The following RPS6KA2 variants were observed in gnomAD, a reference collection of about 807,000 sequenced individuals.
The protein encoded by RPS6KA2 is ribosomal protein S6 kinase alpha-2.
A neutral mutation model predicts 91.8 loss-of-function variants in RPS6KA2; 42 were observed. The observed-to-expected ratio is 0.46, with a 90% CI of 0.36 to 0.59. RPS6KA2 has a LOEUF of 0.59. Among genes scored for constraint, RPS6KA2 ranks in the 20% least tolerant of loss-of-function variants. RPS6KA2 has a pLI of 0.00. For missense variants in RPS6KA2, 798 were observed against 978.5 expected (o/e 0.82, Z 2.46); for synonymous variants, 414 against 393.6 (o/e 1.05, Z -0.61).
At chr6:166,676,033 A>T (rs1279354712) in intron 2 of RPS6KA2, among the ~76,000 whole-genome samples, 1 of 152,044 alleles carries the variant, frequency 6.6e-6, no homozygotes, top group African/African-American at 2.4e-5. Flanking sequence ...AAGTCCTGGG[A>T]GGCCGGGTGC....
intron 2 of RPS6KA2, among the ~76,000 whole-genome samples, chr6:166,776,965 C>T (rs531194444): frequency 3.3e-5 from 5 of 152,272 alleles, no homozygotes; most frequent in Middle Eastern, 3.4e-3. Context: ...TGTGCTTCTC[C>T]GCCATTTGTA....
At chr6:166,792,337 G>A (rs1282362802) in intron 2 of RPS6KA2, among the ~76,000 whole-genome samples, 3 of 151,898 alleles carry the variant, frequency 2.0e-5, no homozygotes, top group Non-Finnish European at 2.9e-5. Context: ...ACCAATAACA[G>A]GCTCTGAAAT....
intron 1 of RPS6KA2, among the ~76,000 whole-genome samples, chr6:166,614,028 G>A (rs1431643969): frequency 6.6e-6 from 1 of 152,186 alleles, no homozygotes; most frequent in African/African-American, 2.4e-5. Context: ...AGCCCAGTCA[G>A]CTCAGGAACC....
At chr6:166,657,766 G>A (rs1363019400) in intron 2 of RPS6KA2, among the ~76,000 whole-genome samples, 1 of 152,232 alleles carries the variant, frequency 6.6e-6, no homozygotes, top group African/African-American at 2.4e-5. Context: ...GCTCACTTGA[G>A]AGCAGGGCGA....
chr6:166,764,775 G>A (rs1406565411), intron 2 of RPS6KA2, among the ~76,000 whole-genome samples: 3 of 152,218 alleles, frequency 2.0e-5, no homozygotes, highest in Admixed American at 6.5e-5. Flanking sequence ...CGGCCACCGC[G>A]GTGACACCTA....
In RPS6KA2 at chr6:166,419,895, T is replaced by C. The variant is rs1377077535; in HGVS notation, c.1807A>G (p.Thr603Ala). 8.7e-6 allele frequency: 14 copies of C among 1,613,844 alleles called. No individual in the cohort carries two copies. Among genetic ancestry groups the C allele is most frequent in the Non-Finnish European group, 1.1e-5 (13 of 1,179,816 alleles). ...GTGACTGCTTACCCTGCCAGCATGG[T>C]GTACAACAGGATCCCCAAACTCCAG... Reference protein sequence around the residue: ...DIWSLGILLYTMLAGFTPFAN... With the variant: ...DIWSLGILLYAMLAGFTPFAN... The change falls in exon 18 of 21, where the codon ACC (threonine) becomes GCC (alanine). Residue 603 changes from threonine to alanine, a missense_variant. Transcript: ENST00000265678. This position sits in a 1 kb window ranked among gnomAD's most constrained non-coding sequence, Gnocchi z 5.6.
rs181584518 is a variant in RPS6KA2 at position 166,575,287 on chromosome 6, T to C, written c.100-36503A>G. 1.9e-3 allele frequency among the ~76,000 whole-genome samples: 291 copies of C among 152,338 alleles called. 5 individuals are homozygous for C. Among genetic ancestry groups the C allele is most frequent in the Admixed American group, 0.018 (272 of 15,302 alleles). On this transcript the variant is annotated intron_variant, in intron 1 of 20. Coordinates refer to ENST00000265678, the MANE Select transcript of RPS6KA2 (RefSeq NM_021135.6). ...GTCAGAAGCATAACACGAGGCTATG[T>C]GTGATCCGGGCTCAGGGAGTACGGG... is the stretch of plus-strand genomic sequence containing the variant.
rs906815377 is a variant in RPS6KA2 at position 166,727,319 on chromosome 6, A to C, written c.123+130881T>G. On this transcript the variant is annotated intron_variant, in intron 2 of 21. Transcript: ENST00000503859. ...ATTATAGATCATACTTAAACAAACA[A>C]ACACACACACACACACACACACACA... Among the ~76,000 whole-genome samples, 25 of 146,642 alleles carry C rather than the reference A, an allele frequency of 1.7e-4. 2 individuals are homozygous for C. The highest frequency in any genetic ancestry group is 7.9e-4 in the East Asian group (4 of 5,058).
chr6:166,549,953 T>C (rs907946048), intron 1 of RPS6KA2, among the ~76,000 whole-genome samples: 4 of 152,190 alleles, frequency 2.6e-5, no homozygotes, highest in African/African-American at 7.2e-5. Flanking sequence ...TCTATAATCA[T>C]TTAAAAATTT....
chr6:166,625,078 C>T (rs1188357630), intron 1 of RPS6KA2, among the ~76,000 whole-genome samples: 1 of 152,104 alleles, frequency 6.6e-6, no homozygotes, highest in Non-Finnish European at 1.5e-5. Context: ...ATAATCCGCC[C>T]GCCTTAGGCT....
rs555916240 is a variant in RPS6KA2 at position 166,445,212 on chromosome 6, C to T, written c.1332+3512G>A. Among the ~76,000 whole-genome samples, 178 of 151,180 alleles carry T rather than the reference C, an allele frequency of 1.2e-3. No individual in the cohort carries two copies. Among genetic ancestry groups the T allele is most frequent in the Non-Finnish European group, 1.7e-3 (115 of 67,784 alleles). ...TTAGAAGGACCTGCACTTTAAGTCA[C>T]GGCCCAGTCACAGTGGGGTGGGGGT... On this transcript the variant is annotated intron_variant, in intron 14 of 20. Coordinates refer to ENST00000265678, the MANE Select transcript of RPS6KA2 (RefSeq NM_021135.6). This position sits in a 1 kb window ranked among gnomAD's most constrained non-coding sequence, Gnocchi z 4.5.
intron 2 of RPS6KA2, among the ~76,000 whole-genome samples, chr6:166,727,318 A>AC (rs1491264549): frequency 2.9e-5 from 4 of 136,442 alleles, no homozygotes; most frequent in African/African-American, 1.0e-4. Context: ...TTAAACAAAC[A>AC]AACACACACA....
chr6:166,551,663 C>T (rs1033433263), intron 1 of RPS6KA2, among the ~76,000 whole-genome samples: 3 of 152,076 alleles, frequency 2.0e-5, no homozygotes, highest in Non-Finnish European at 4.4e-5. Context: ...CTAGTTATTG[C>T]ATTCTAAAAG....
At chr6:166,747,751 T>C (rs1372696811) in intron 2 of RPS6KA2, among the ~76,000 whole-genome samples, 1 of 152,216 alleles carries the variant, frequency 6.6e-6, no homozygotes, top group African/African-American at 2.4e-5. Context: ...ATGCTGAGGA[T>C]GAACTCAGGT....
At chr6:166,750,949 C>G (rs1468267946) in intron 2 of RPS6KA2, among the ~76,000 whole-genome samples, 2 of 152,194 alleles carry the variant, frequency 1.3e-5, no homozygotes, top group East Asian at 3.8e-4. Context: ...TCTGAGGGGA[C>G]AAATTCTATT....
chr6:166,830,700 T>C (rs577375235), intron 2 of RPS6KA2, among the ~76,000 whole-genome samples: 3 of 152,246 alleles, frequency 2.0e-5, no homozygotes, highest in African/African-American at 7.2e-5. Flanking sequence ...CTGTGGGTTC[T>C]GACATTTCTC....
chr6:166,718,654 G>A (rs754423227), intron 2 of RPS6KA2, among the ~76,000 whole-genome samples: 4 of 152,130 alleles, frequency 2.6e-5, no homozygotes, highest in African/African-American at 9.7e-5. Flanking sequence ...ACATGCACCC[G>A]AGAAAGTAGC....
intron 2 of RPS6KA2, among the ~76,000 whole-genome samples, chr6:166,668,707 G>A (rs888675841): frequency 1.3e-5 from 2 of 152,154 alleles, no homozygotes; most frequent in African/African-American, 4.8e-5. Context: ...GTTCTGGGAA[G>A]CAGGCAAAAT....
At chr6:166,488,759 C>T (rs1468031179) in intron 10 of RPS6KA2, 74 bp downstream of exon 10, 3 of 1,207,340 alleles carry the variant, frequency 2.5e-6, no homozygotes, top group Non-Finnish European at 3.6e-6. Flanking sequence ...GAGGGTGGCC[C>T]TCCACATCTC....
Sources: allele counts gnomAD v4.1 joint callset (sites outside exome capture counted in the v4.1 genomes callset), GRCh38; gene constraint gnomAD v4.1.1; non-coding constraint Gnocchi (gnomAD v3.1); transcripts MANE v1.5; gene names NCBI Gene and HGNC (gene_info 2026-07-23, HGNC 2026-07-21).